LARGE1: variants seen among roughly 807,000 people sequenced by gnomAD.
LARGE1 encodes the protein xylosyl- and glucuronyltransferase LARGE1.
LARGE1 carries 43 observed loss-of-function variants against 87.6 expected under a neutral mutation model. That is an observed-to-expected ratio of 0.49 (90% confidence interval 0.38 to 0.63). LARGE1 has a LOEUF of 0.63. Ranked by LOEUF, LARGE1 falls within the 30% of genes least tolerant of loss-of-function variation. The pLI is 0.00. For synonymous variants in LARGE1, 434 were observed against 394.6 expected (o/e 1.10, Z -1.18); for missense variants, 802 against 1,000.2 (o/e 0.80, Z 2.67).
At chr22:33,527,149 G>A (rs752046286) in intron 6 of LARGE1, among the ~76,000 whole-genome samples, 15 of 152,152 alleles carry the variant, frequency 9.9e-5, no homozygotes, top group African/African-American at 1.9e-4. Context: ...CCAGCTACTC[G>A]GGCGGCTGAG....
chr22:33,731,906 T>C (rs1375873486), intron 2 of LARGE1, among the ~76,000 whole-genome samples: 4 of 152,214 alleles, frequency 2.6e-5, no homozygotes, highest in African/African-American at 9.7e-5. Flanking sequence ...GCTTTAGATA[T>C]AGTCACTGAA....
chr22:33,810,718 G>A (rs998553501), intron 1 of LARGE1, among the ~76,000 whole-genome samples: 1 of 151,624 alleles, frequency 6.6e-6, no homozygotes, highest in Non-Finnish European at 1.5e-5. Flanking sequence ...CAGGGTGAGG[G>A]ATGAATTTCT....
chr22:33,434,094 A>C (rs1209532895), intron 6 of LARGE1, among the ~76,000 whole-genome samples: 1 of 152,190 alleles, frequency 6.6e-6, no homozygotes, highest in Non-Finnish European at 1.5e-5. Context: ...ATGTGCAACA[A>C]GCTTAGGACA....
chr22:33,848,317 T>C (rs1246213094), intron 1 of LARGE1, among the ~76,000 whole-genome samples: 1 of 152,140 alleles, frequency 6.6e-6, no homozygotes, highest in East Asian at 1.9e-4. Context: ...AAGGACTCAG[T>C]GTGTGAGAAT....
At chr22:33,718,682 T>A (rs901703453) in intron 2 of LARGE1, among the ~76,000 whole-genome samples, 1 of 152,248 alleles carries the variant, frequency 6.6e-6, no homozygotes, top group Non-Finnish European at 1.5e-5. Context: ...CCTGAAGACC[T>A]CTCAGTGAAA....
At chr22:33,582,721 T>C (rs1409062331) in intron 5 of LARGE1, among the ~76,000 whole-genome samples, 1 of 152,214 alleles carries the variant, frequency 6.6e-6, no homozygotes, top group Non-Finnish European at 1.5e-5. Context: ...CTCCAGGTGC[T>C]GGACAGCTGA....
chr22:33,718,576 A>G (rs939404135), intron 2 of LARGE1, among the ~76,000 whole-genome samples: 8 of 152,340 alleles, frequency 5.3e-5, no homozygotes, highest in African/African-American at 1.7e-4. Flanking sequence ...GGCTCGCCAC[A>G]TGGCCAGTGG....
At chr22:33,818,770 T>C (rs915181091) in intron 1 of LARGE1, among the ~76,000 whole-genome samples, 3 of 152,168 alleles carry the variant, frequency 2.0e-5, no homozygotes, top group Admixed American at 1.3e-4. Flanking sequence ...TTAAACACTT[T>C]AGACACCCAA....
Position 33,876,213 on chromosome 22 carries a change from T to A in LARGE1, c.-83+43782A>T, listed in dbSNP as rs5754735. On this transcript the variant is annotated intron_variant, in intron 1 of 14. Coordinates refer to ENST00000397394, the MANE Select transcript of LARGE1 (RefSeq NM_133642.5). ...GGGAACCAGGTTAGAACCCCAGGCC[T>A]GGGGATAAAACAGGACTGAAACTAA... 1.2e-3 allele frequency among the ~76,000 whole-genome samples: 190 copies of A among 152,208 alleles called. 5 individuals are homozygous for A. In the East Asian group the frequency reaches 0.031, roughly 25 times the overall value.
At chr22:33,488,558 G>A (rs2069687794) in intron 6 of LARGE1, among the ~76,000 whole-genome samples, 1 of 152,140 alleles carries the variant, frequency 6.6e-6, no homozygotes. Flanking sequence ...AGCTTTAGTA[G>A]CTATGGTTAC....
At chr22:33,684,800 G>A (rs745445123) in intron 2 of LARGE1, among the ~76,000 whole-genome samples, 13 of 152,124 alleles carry the variant, frequency 8.5e-5, no homozygotes, top group Admixed American at 7.9e-4. Flanking sequence ...CATCAAAAAG[G>A]GGGTGTGTGG....
At chr22:33,226,180 C>G (rs1163597514) in intron 11 of LARGE1, among the ~76,000 whole-genome samples, 1 of 152,204 alleles carries the variant, frequency 6.6e-6, no homozygotes, top group Non-Finnish European at 1.5e-5. Context: ...TTTCAAAAAT[C>G]TTTTTGCTGC....
chr22:33,863,433 A>C (rs1367686149), intron 1 of LARGE1, among the ~76,000 whole-genome samples: 2 of 152,092 alleles, frequency 1.3e-5, no homozygotes, highest in African/African-American at 4.8e-5. Context: ...CATTTCTAGA[A>C]GACCCTGTAA....
At chr22:33,203,898 C>T (rs148057590) in intron 11 of LARGE1, among the ~76,000 whole-genome samples, 14 of 152,258 alleles carry the variant, frequency 9.2e-5, no homozygotes, top group African/African-American at 3.4e-4. Context: ...TCGCCTCTTC[C>T]CTACACAACT....
chr22:33,541,706 C>T (rs190505176), intron 6 of LARGE1, among the ~76,000 whole-genome samples: 4 of 148,290 alleles, frequency 2.7e-5, no homozygotes, highest in East Asian at 2.0e-4. Context: ...GAGTCATCGT[C>T]TTACTGTTCT....
At chr22:33,653,541 C>A (rs2080879523) in intron 2 of LARGE1, among the ~76,000 whole-genome samples, 1 of 152,138 alleles carries the variant, frequency 6.6e-6, no homozygotes, top group African/African-American at 2.4e-5. Context: ...GGAGGAGTTA[C>A]ATCAGTGCTC....
intron 2 of LARGE1, among the ~76,000 whole-genome samples, chr22:33,691,215 T>C (rs934395283): frequency 6.6e-6 from 1 of 151,884 alleles, no homozygotes; most frequent in South Asian, 2.1e-4. Context: ...TTAGCAGATG[T>C]GGAGGCAGCC....
intron 3 of LARGE1, among the ~76,000 whole-genome samples, chr22:33,646,577 G>A (rs1401089825): frequency 6.8e-6 from 1 of 146,126 alleles, no homozygotes; most frequent in Non-Finnish European, 1.5e-5. Flanking sequence ...TTCTGCACAT[G>A]TACTCCAGAA....
chr22:33,737,796 G>A (rs1018337170), intron 2 of LARGE1: 1 of 152,174 alleles, frequency 6.6e-6, no homozygotes, highest in Admixed American at 6.5e-5. Flanking sequence ...GAGTAGTGAT[G>A]TGGCTGGATT....
Sources: allele counts gnomAD v4.1 joint callset (sites outside exome capture counted in the v4.1 genomes callset), GRCh38; gene constraint gnomAD v4.1.1; transcripts MANE v1.5; gene names NCBI Gene and HGNC (gene_info 2026-07-23, HGNC 2026-07-21).